The following ENPP1 variants were observed in gnomAD, a reference collection of about 807,000 sequenced individuals.
ENPP1 encodes the protein ectonucleotide pyrophosphatase/phosphodiesterase 1, also known as ectonucleotide pyrophosphatase/phosphodiesterase family member 1.
ENPP1 carries 73 observed loss-of-function variants against 122.8 expected under a neutral mutation model. That is an observed-to-expected ratio of 0.59 (90% CI 0.49 to 0.72). The LOEUF (loss-of-function observed/expected upper bound fraction) is 0.72. Ranked by LOEUF, ENPP1 falls within the 30% of genes least tolerant of loss-of-function variation. ENPP1 has a pLI of 0.00. For synonymous variants in ENPP1, 367 were observed against 391.6 expected, an observed-to-expected ratio of 0.94 and a Z score of 0.74; for missense variants, 978 against 1,128.1, an observed-to-expected ratio of 0.87 and a Z score of 1.91.
chr6:131,819,529 A>G (rs1303613740), intron 1 of ENPP1, among the ~76,000 whole-genome samples: 1 of 152,204 alleles, frequency 6.6e-6, no homozygotes, highest in Non-Finnish European at 1.5e-5. Context: ...GCAACCTAAA[A>G]ATACTTACTT....
intron 5 of ENPP1, among the ~76,000 whole-genome samples, chr6:131,853,179 A>C (rs1439200559): frequency 6.6e-6 from 1 of 151,634 alleles, no homozygotes; most frequent in Non-Finnish European, 1.5e-5. Flanking sequence ...TTTCTTTTGG[A>C]AGGAAAAGTA....
At chr6:131,812,949 T>G (rs1781371638) in intron 1 of ENPP1, among the ~76,000 whole-genome samples, 1 of 152,038 alleles carries the variant, frequency 6.6e-6, no homozygotes, top group Non-Finnish European at 1.5e-5. Flanking sequence ...AAGCGATTCT[T>G]CTGTCTCAGC....
intron 4 of ENPP1, among the ~76,000 whole-genome samples, chr6:131,851,587 T>C (rs1781881763): frequency 6.6e-6 from 1 of 152,126 alleles, no homozygotes; most frequent in East Asian, 1.9e-4. Flanking sequence ...ACACTTGATG[T>C]TGTATTTGTG....
intron 1 of ENPP1, among the ~76,000 whole-genome samples, chr6:131,842,773 C>G (rs1000997729): frequency 1.3e-5 from 2 of 152,200 alleles, no homozygotes; most frequent in East Asian, 3.9e-4. Flanking sequence ...TATCTCTGGT[C>G]TTTAGTACAG....
chr6:131,873,078 C>T, intron 15 of ENPP1, 28 bp downstream of exon 15: 2 of 1,612,970 alleles, frequency 1.2e-6, no homozygotes, highest in South Asian at 2.2e-5. Flanking sequence ...CCCAGGTAAA[C>T]TTAGTCTGAT....
intron 5 of ENPP1, among the ~76,000 whole-genome samples, chr6:131,854,697 G>A (rs1585818176): frequency 6.6e-6 from 1 of 152,088 alleles, no homozygotes; most frequent in East Asian, 1.9e-4. Flanking sequence ...TATATACTAT[G>A]TGATGATATA....
Position 131,847,642 on chromosome 6 carries a change from G to A in ENPP1, c.241-134G>A, listed in dbSNP as rs572879480. On this transcript the variant is annotated intron_variant, in intron 1 of 24. Coordinates refer to ENST00000647893, the MANE Select transcript of ENPP1 (RefSeq NM_006208.3). ...GATCCCTTGATGCCAGGATTTCGAG[G>A]TTACAGTGAACTATGATCATGCCAC... 6.1e-6 allele frequency: 4 copies of A among 654,926 alleles called. No individual in the cohort carries two copies. In the African/African-American group the frequency reaches 7.2e-5, roughly 12 times the overall value. The allele number at this position is 654,926 out of a possible 1,614,324, so 40.6% of individuals were successfully genotyped here.
rs1198758003 is a variant in ENPP1, at chr6:131,855,038, A to G, written c.715+15A>G. The G allele has an allele frequency of 8.0e-6, 12 of 1,502,268 alleles. No individual in the cohort carries two copies. The highest frequency in any genetic ancestry group is 1.1e-5 in the Non-Finnish European group (12 of 1,078,274). 93.1% of individuals were successfully genotyped at this position (1,502,268 alleles called of 1,614,324 possible). On this transcript the variant is annotated intron_variant, in intron 6 of 24. Coordinates refer to ENST00000647893, the MANE Select transcript of ENPP1 (RefSeq NM_006208.3). ...TAGCAAACTAAGTGAGTAACTTCAG[A>G]GTTTACTGCTGGAATATCACCATTT...
chr6:131,888,488 T>C (rs748067120), intron 24 of ENPP1, among the ~76,000 whole-genome samples: 3 of 152,232 alleles, frequency 2.0e-5, no homozygotes, highest in Admixed American at 6.5e-5. Flanking sequence ...GTGAACAAAA[T>C]AGTGAGCTCT....
chr6:131,857,222 C>T (rs2114698597), intron 6 of ENPP1, among the ~76,000 whole-genome samples: 1 of 150,004 alleles, frequency 6.7e-6, no homozygotes, highest in East Asian at 2.0e-4. Flanking sequence ...CTAGTTCAAC[C>T]ATTGTGGAAG....
intron 1 of ENPP1, among the ~76,000 whole-genome samples, chr6:131,829,797 C>A (rs368903452): frequency 6.6e-6 from 1 of 152,156 alleles, no homozygotes; most frequent in Non-Finnish European, 1.5e-5. Flanking sequence ...GCTAGGGCTT[C>A]GCTGTAGCAG....
At chr6:131,878,393 C>G (rs1782262455) in intron 18 of ENPP1, 149 bp from the exon 19 acceptor site, 6 of 676,098 alleles carry the variant, frequency 8.9e-6, no homozygotes, top group Non-Finnish European at 1.6e-5. Flanking sequence ...AACACTCTTG[C>G]CTTGAAAGAG....
intron 8 of ENPP1, 84 bp downstream of exon 8, chr6:131,860,590 T>C (rs1014009530): frequency 3.6e-5 from 38 of 1,042,116 alleles, no homozygotes; most frequent in Non-Finnish European, 5.4e-5. Context: ...CTCTAGAGCT[T>C]TTAATAACTG....
chr6:131,825,472 C>T (rs1781535523), intron 1 of ENPP1, among the ~76,000 whole-genome samples: 1 of 152,192 alleles, frequency 6.6e-6, no homozygotes, highest in African/African-American at 2.4e-5. Flanking sequence ...CTCAATCACT[C>T]TTGCCACATC....
rs188646716 is a variant in ENPP1, at chr6:131,825,607, T to A, written c.240+17332T>A. Among the ~76,000 whole-genome samples, 1,052 of 152,270 alleles carry A rather than the reference T, an allele frequency of 6.9e-3. 15 individuals are homozygous for A. Among genetic ancestry groups the A allele is most frequent in the African/African-American group, 0.024 (991 of 41,546 alleles). On this transcript the variant is annotated intron_variant, in intron 1 of 24. Transcript: ENST00000647893. ...GTAAAAATTGTGATATTATAGTTTT[T>A]AAAAAATACCTTGATAGTTCTCCAA...
chr6:131,874,425 A>T, intron 16 of ENPP1, 88 bp downstream of exon 16: 1 of 741,956 alleles, frequency 1.3e-6, no homozygotes, highest in South Asian at 1.6e-5. Flanking sequence ...CTGTGATTAT[A>T]TGTCTTGAAT....
chr6:131,847,387 G>T (rs927331716), intron 1 of ENPP1, among the ~76,000 whole-genome samples: 12 of 152,160 alleles, frequency 7.9e-5, no homozygotes, highest in Admixed American at 3.3e-4. Flanking sequence ...TTTTATTAAA[G>T]TATAAAATAC....
At chr6:131,835,770 C>G (rs1331142096) in intron 1 of ENPP1, among the ~76,000 whole-genome samples, 2 of 152,086 alleles carry the variant, frequency 1.3e-5, no homozygotes, top group Non-Finnish European at 2.9e-5. Flanking sequence ...CTCATGTGTC[C>G]ATGTGTTCTC....
At chr6:131,836,057 C>T (rs1246798972) in intron 1 of ENPP1, among the ~76,000 whole-genome samples, 1 of 151,638 alleles carries the variant, frequency 6.6e-6, no homozygotes, top group Non-Finnish European at 1.5e-5. Flanking sequence ...GTCTTCTGTT[C>T]TTTTAAAAGA....
Sources: allele counts gnomAD v4.1 joint callset (sites outside exome capture counted in the v4.1 genomes callset), GRCh38; gene constraint gnomAD v4.1.1; transcripts MANE v1.5; gene names NCBI Gene and HGNC (gene_info 2026-07-23, HGNC 2026-07-21).